The following MTA3 variants were observed in gnomAD, a reference collection of about 807,000 sequenced individuals.
The protein encoded by MTA3 is metastasis-associated protein MTA3.
Under a neutral mutation model 83.5 loss-of-function variants are expected in MTA3, and 34 were observed. The observed-to-expected ratio is 0.41, with a 90% CI of 0.31 to 0.54. The LOEUF is 0.54. Among genes scored for constraint, MTA3 ranks in the 20% least tolerant of loss-of-function variants. MTA3 has a pLI of 0.33. For synonymous variants in MTA3, 303 were observed against 252.7 expected, an observed-to-expected ratio of 1.20 and a Z score of -1.89; for missense variants, 761 against 726.4, an observed-to-expected ratio of 1.05 and a Z score of -0.55.
At chr2:42,718,277 C>T (rs1288306227) in intron 14 of MTA3, among the ~76,000 whole-genome samples, 3 of 151,736 alleles carry the variant, frequency 2.0e-5, no homozygotes, top group South Asian at 2.1e-4. Flanking sequence ...GATGGAGTTT[C>T]GCTCTTGTTG....
intron 16 of MTA3, among the ~76,000 whole-genome samples, chr2:42,733,404 C>G (rs928416735): frequency 1.3e-5 from 2 of 152,184 alleles, no homozygotes; most frequent in African/African-American, 4.8e-5. Flanking sequence ...TTACCTCCCT[C>G]TGGGTCCCTA....
intron 2 of MTA3, among the ~76,000 whole-genome samples, chr2:42,537,425 C>T (rs956980693): frequency 1.3e-5 from 2 of 151,960 alleles, no homozygotes; most frequent in African/African-American, 4.8e-5. Context: ...ATTAGCTGGG[C>T]ATAGTGGTGG....
intron 8 of MTA3, among the ~76,000 whole-genome samples, chr2:42,662,600 GATCT>G (rs1208565666): frequency 2.0e-5 from 3 of 151,730 alleles, no homozygotes; most frequent in Non-Finnish European, 2.9e-5. Context: ...TTGTTTTGTA[GATCT>G]ATTTTTCCCT....
chr2:42,654,974 C>T (rs1194688903), intron 6 of MTA3, among the ~76,000 whole-genome samples: 1 of 152,218 alleles, frequency 6.6e-6, no homozygotes, highest in Non-Finnish European at 1.5e-5. Flanking sequence ...GAAATCTACA[C>T]TCTACATCCA....
At chr2:42,691,381 C>G (rs1401278649) in intron 9 of MTA3, among the ~76,000 whole-genome samples, 1 of 152,226 alleles carries the variant, frequency 6.6e-6, no homozygotes, top group Non-Finnish European at 1.5e-5. Context: ...CACACACACA[C>G]ACATCCCCCC....
At chr2:42,738,198 G>A (rs1238276273) in intron 16 of MTA3, among the ~76,000 whole-genome samples, 1 of 152,156 alleles carries the variant, frequency 6.6e-6, no homozygotes, top group Non-Finnish European at 1.5e-5. Context: ...GGAGGTCGGA[G>A]CTGCAGTGAG....
chr2:42,514,799 C>T lies in MTA3; in HGVS notation c.-141+19545C>T, dbSNP rs986730104. On this transcript the variant is annotated intron_variant, in intron 2 of 17. Transcript: ENST00000405592. ...TACTTATGGGATCAAATGATCCTCC[C>T]GCCTCAGCCTCCAGAGTAGCTGGGA... 8.2e-5 allele frequency among the ~76,000 whole-genome samples: 12 copies of T among 146,028 alleles called. No individual in the cohort carries two copies. The East Asian group carries it at 1.4e-3, about 17-fold the overall frequency.
intron 9 of MTA3, among the ~76,000 whole-genome samples, chr2:42,693,481 C>T (rs934973287): frequency 6.6e-6 from 1 of 152,198 alleles, no homozygotes; most frequent in South Asian, 2.1e-4. Context: ...TTTCCTTCCC[C>T]TTTCCACAGG....
At chr2:42,560,511 C>T (rs1181105450) in intron 2 of MTA3, among the ~76,000 whole-genome samples, 5 of 151,046 alleles carry the variant, frequency 3.3e-5, no homozygotes, top group African/African-American at 7.3e-5. Flanking sequence ...GAGATGGTGC[C>T]ACTGCACTCC....
intron 16 of MTA3, among the ~76,000 whole-genome samples, chr2:42,731,655 G>A (rs942058680): frequency 3.9e-5 from 6 of 152,066 alleles, no homozygotes; most frequent in African/African-American, 9.7e-5. Flanking sequence ...TTTGGGTGGC[G>A]ACACAGCCAA....
In MTA3 at chr2:42,579,152, C is replaced by T. The variant is rs1013525927; in HGVS notation, c.142C>T (p.Arg48Ter). Residue 48 changes from arginine to a stop codon, truncating the protein, a stop_gained, in exon 3 of 17, where the codon CGA becomes TGA. Coordinates refer to ENST00000405094, the MANE Select transcript of MTA3 (RefSeq NM_001330442.2). LOFTEE classifies it high-confidence loss of function. Reference sequence around the variant, plus strand: ...AGCAAAAGTAGTATGCTTTTATAGACGACGTGATATTTCCAACACACTTAT... The same window carrying T: ...AGCAAAAGTAGTATGCTTTTATAGATGACGTGATATTTCCAACACACTTAT... ...VEAKVVCFYR[R>*]RDISNTLIML... 1.2e-6 allele frequency: 2 copies of T among 1,607,912 alleles called. No homozygotes were observed. The highest frequency in any genetic ancestry group is 1.7e-5 in the Admixed American group (1 of 59,002).
chr2:42,749,519 G>A (rs1285910598), intron 16 of MTA3, among the ~76,000 whole-genome samples: 1 of 152,158 alleles, frequency 6.6e-6, no homozygotes, highest in Non-Finnish European at 1.5e-5. Flanking sequence ...CCGTGCTGGA[G>A]TGCAGTGGCA....
Position 42,645,056 on chromosome 2 carries a change from C to G in MTA3, c.499+812C>G, listed in dbSNP as rs145706607. ...AAGGCGTGTCAGAAGCCAAGATAGG[C>G]TAAAAGCCACGCCTCTTTCCCCAGT... On this transcript the variant is annotated intron_variant, in intron 6 of 16. Coordinates refer to ENST00000405094, the MANE Select transcript of MTA3 (RefSeq NM_001330442.2). Among the ~76,000 whole-genome samples the G allele has an allele frequency of 7.0e-3, 1,064 of 151,776 alleles. 3 individuals carry two copies. The highest frequency in any genetic ancestry group is 0.013 in the Admixed American group (199 of 15,202).
Position 42,503,250 on chromosome 2 carries a change from A to G in MTA3, c.-141+7996A>G, listed in dbSNP as rs560090543. On this transcript the variant is annotated intron_variant, in intron 2 of 17. Transcript: ENST00000405592. The stretch of plus-strand genomic sequence containing the variant: ...TCCTCTTTTTAGACCATATAGGGTA[A>G]CTTTCTGACATTGCCATGGCATTTG... 9.8e-5 allele frequency among the ~76,000 whole-genome samples: 15 copies of G among 152,306 alleles called. No homozygotes were observed. The South Asian group carries it at 3.1e-3, about 32-fold the overall frequency.
At chr2:42,566,792 C>T (rs577965820), upstream of MTA3, among the ~76,000 whole-genome samples, 9 of 152,274 alleles carry the variant, frequency 5.9e-5, no homozygotes, top group African/African-American at 9.6e-5. Context: ...GCTTGTGATC[C>T]ACTTCTTTGC....
rs376146524 is a variant in MTA3, at chr2:42,502,733, G to T, written c.-141+7479G>T. 3.1e-4 allele frequency among the ~76,000 whole-genome samples: 47 copies of T among 149,994 alleles called. 1 individual carries two copies. In the South Asian group the frequency reaches 6.1e-3, roughly 20 times the overall value. On this transcript the variant is annotated intron_variant, in intron 2 of 17. Coordinates refer to the MTA3 transcript ENST00000405592. The stretch of plus-strand genomic sequence containing the variant: ...AATCACTTGAACCCTAGAGGCGGAG[G>T]TTGTGGTGAGCTGAGATCACATCAT...
chr2:42,717,139 T>G (rs1042285422), intron 14 of MTA3, among the ~76,000 whole-genome samples: 1 of 149,284 alleles, frequency 6.7e-6, no homozygotes, highest in Non-Finnish European at 1.5e-5. Flanking sequence ...TTTTTTTTTT[T>G]TTTTTTTTTT....
At chr2:42,728,601 A>G (rs907907556) in intron 16 of MTA3, among the ~76,000 whole-genome samples, 1 of 152,116 alleles carries the variant, frequency 6.6e-6, no homozygotes, top group Non-Finnish European at 1.5e-5. Flanking sequence ...CCTTTTCTCC[A>G]TATCTTTGCC....
At chr2:42,577,105 AATATAT>A (rs1162559713) in intron 2 of MTA3, among the ~76,000 whole-genome samples, 6 of 86,952 alleles carry the variant, frequency 6.9e-5, no homozygotes, top group African/African-American at 2.7e-4. Context: ...AAAAAAAAAA[AATATAT>A]ATATATATAT....
Sources: allele counts gnomAD v4.1 joint callset (sites outside exome capture counted in the v4.1 genomes callset), GRCh38; gene constraint gnomAD v4.1.1; transcripts MANE v1.5; gene names NCBI Gene and HGNC (gene_info 2026-07-23, HGNC 2026-07-21).